Variants in CARS2 observed in about 807,000 individuals in gnomAD.
CARS2 encodes cysteinyl-tRNA synthetase 2, mitochondrial, also known as probable cysteine--tRNA ligase, mitochondrial.
Under a neutral mutation model 68.8 loss-of-function variants are expected in CARS2, and 52 were observed. The observed-to-expected ratio is 0.76, with a 90% confidence interval of 0.61 to 0.95. CARS2 has a LOEUF of 0.95. Among genes scored for constraint, CARS2 ranks in the 40% least tolerant of loss-of-function variants. CARS2 has a pLI of 0.00. For missense variants in CARS2, 780 were observed against 754.2 expected (o/e 1.03, Z -0.40); for synonymous variants, 314 against 303.6 (o/e 1.03, Z -0.36).
At chr13:110,647,802 T>C (rs988646486) in intron 10 of CARS2, among the ~76,000 whole-genome samples, 3 of 85,872 alleles carry the variant, frequency 3.5e-5, no homozygotes, top group Non-Finnish European at 6.3e-5. Context: ...TTTCTTGTGG[T>C]TTCTAGTCTA....
At chr13:110,709,182 C>T (rs752264743), upstream of CARS2, among the ~76,000 whole-genome samples, 3 of 151,594 alleles carry the variant, frequency 2.0e-5, no homozygotes, top group African/African-American at 4.8e-5. Flanking sequence ...CTCTTTCTCA[C>T]GTCTCCCGGG....
chr13:110,699,622 A>C (rs965358815), intron 3 of CARS2, among the ~76,000 whole-genome samples: 1 of 152,256 alleles, frequency 6.6e-6, no homozygotes, highest in Admixed American at 6.5e-5. Context: ...AACCACAGTG[A>C]ATTGTGAAAA....
At chr13:110,711,389 T>C (rs1285639615), upstream of CARS2, among the ~76,000 whole-genome samples, 2 of 152,144 alleles carry the variant, frequency 1.3e-5, no homozygotes, top group African/African-American at 4.8e-5. Flanking sequence ...ATTTTTTGTA[T>C]TTTTAGTAGA....
intron 5 of CARS2, among the ~76,000 whole-genome samples, chr13:110,687,077 C>T (rs536251926): frequency 4.6e-5 from 7 of 152,178 alleles, no homozygotes; most frequent in African/African-American, 1.7e-4. Flanking sequence ...TGTGTTTGTC[C>T]CCAACTTTTT....
intron 8 of CARS2, chr13:110,664,911 CCAG>C (rs1418054330): frequency 1.3e-6 from 1 of 774,148 alleles, no homozygotes; most frequent in Admixed American, 6.3e-5. Context: ...GGACTCCCAG[CCAG>C]CAGAACTGTG....
rs1272044827 is a variant in CARS2, at chr13:110,674,189, TCA to T, written c.785+2783_785+2784del. 1.8e-4 allele frequency among the ~76,000 whole-genome samples: 28 copies of T among 152,246 alleles called. No individual in the cohort carries two copies. In the South Asian group the frequency reaches 5.8e-3, roughly 32 times the overall value. On this transcript the variant is annotated intron_variant, in intron 7 of 14. Coordinates refer to ENST00000257347, the MANE Select transcript of CARS2 (RefSeq NM_024537.4). The stretch of plus-strand genomic sequence containing the variant: ...CCTATCAAGCTACCAATGACTTTTC[TCA>T]CAGAATTGGAAAAAACTACTTTAAA...
intron 11 of CARS2, 82 bp from the exon 12 acceptor site, chr13:110,646,172 A>G: frequency 2.7e-6 from 4 of 1,481,736 alleles, no homozygotes; most frequent in South Asian, 1.3e-5. Flanking sequence ...TTCCCCAGGG[A>G]GAGACGCTGG....
At chr13:110,666,908 T>C in intron 8 of CARS2, 2 of 985,442 alleles carry the variant, frequency 2.0e-6, no homozygotes, top group Non-Finnish European at 1.2e-6. Flanking sequence ...TGGTGTTGCA[T>C]CCACTTCTGA....
chr13:110,691,116 A>G (rs1372622602), intron 3 of CARS2, among the ~76,000 whole-genome samples: 1 of 152,174 alleles, frequency 6.6e-6, no homozygotes, highest in Non-Finnish European at 1.5e-5. Flanking sequence ...CCCGGGCTCA[A>G]GCGATGCTCC....
At chr13:110,656,958 G>A (rs1395078531) in intron 9 of CARS2, among the ~76,000 whole-genome samples, 1 of 151,658 alleles carries the variant, frequency 6.6e-6, no homozygotes, top group Non-Finnish European at 1.5e-5. Context: ...CCACTAAGCA[G>A]TACCATTTAA....
In CARS2 at chr13:110,665,571, C is replaced by T. The variant is rs1030233390; in HGVS notation, c.919+1769G>A. ...GGCACAGCTAAGGCTGCCCTTCTTG[C>T]CCCCCAGCTCCACACTCGCAGAAGG... On this transcript the variant is annotated intron_variant, in intron 8 of 14. Coordinates refer to ENST00000257347, the MANE Select transcript of CARS2 (RefSeq NM_024537.4). The surrounding 1 kb of genome is among the most constrained non-coding windows in gnomAD (Gnocchi z 4.3). The T allele has an allele frequency of 2.0e-6, 2 of 985,332 alleles. No homozygotes were observed. Among genetic ancestry groups the T allele is most frequent in the African/African-American group, 1.7e-5 (1 of 57,208 alleles). The allele number at this position is 985,332 out of a possible 1,614,324, so 61.0% of individuals were successfully genotyped here. A position where few individuals can be genotyped will look rare whatever the true frequency, so the allele number is the denominator to read the frequency against.
At chr13:110,646,570 A>C in intron 11 of CARS2, 1 of 163,058 alleles carries the variant, frequency 6.1e-6, no homozygotes, top group Non-Finnish European at 1.3e-5. Context: ...GCCGGGATGA[A>C]TGTGCAGCGC....
rs756239121 is a variant in CARS2, at chr13:110,676,993, C to T, written c.766G>A (p.Glu256Lys). ...CCTTACCTAGCGATGGCAGAGCACT[C>T]GATGTGCCAGCCCGGCCTCCCGGGT... ...WGPGRPGWHI[E>K]CSAIASMVFG... The change falls in exon 7 of 15, where the codon GAG becomes AAG. Residue 256 changes from glutamate to lysine, a missense_variant. By Grantham distance (56) the Glu-to-Lys change is moderately conservative. Coordinates refer to ENST00000257347, the MANE Select transcript of CARS2 (RefSeq NM_024537.4). The surrounding 1 kb of genome is among the most constrained non-coding windows in gnomAD (Gnocchi z 4.0). 6.9e-6 allele frequency: 11 copies of T among 1,592,486 alleles called. No homozygotes were observed. The highest frequency in any genetic ancestry group is 1.1e-5 in the South Asian group (1 of 89,574).
At chr13:110,710,108 C>T (rs780145591), upstream of CARS2, among the ~76,000 whole-genome samples, 1 of 152,142 alleles carries the variant, frequency 6.6e-6, no homozygotes, top group Non-Finnish European at 1.5e-5. Flanking sequence ...TGGCCAGGCG[C>T]GGTGGTTCAC....
chr13:110,664,126 G>A (rs2062583317), intron 8 of CARS2: 3 of 984,882 alleles, frequency 3.0e-6, no homozygotes, highest in Non-Finnish European at 3.6e-6. Flanking sequence ...TCCCTGGCCT[G>A]TAGCTTTTTA....
At chr13:110,642,696 G>T in intron 13 of CARS2, 175 bp from the exon 14 acceptor site, 1 of 771,600 alleles carries the variant, frequency 1.3e-6, no homozygotes. Context: ...GCGAGCGCTG[G>T]GCTCTGGGCA....
chr13:110,670,471 C>G lies in CARS2; in HGVS notation c.786-2998G>C, dbSNP rs2062771722. Among the ~76,000 whole-genome samples, 1 of 152,206 alleles carries G rather than the reference C, an allele frequency of 6.6e-6. No homozygotes were observed. Among genetic ancestry groups the G allele is most frequent in the Non-Finnish European group, 1.5e-5 (1 of 68,042 alleles). On this transcript the variant is annotated intron_variant, in intron 7 of 14. Coordinates refer to ENST00000257347, the MANE Select transcript of CARS2 (RefSeq NM_024537.4). The surrounding 1 kb of genome is among the most constrained non-coding windows in gnomAD (Gnocchi z 4.1). The stretch of plus-strand genomic sequence containing the variant: ...GTCTGGAGTGGACCTCCAGCAAACT[C>G]AACAGACCTGCAGCTGAGGGTCCTG...
intron 13 of CARS2, chr13:110,643,749 A>C (rs889627813): frequency 3.4e-5 from 5 of 145,206 alleles, no homozygotes; most frequent in African/African-American, 1.5e-4. Flanking sequence ...GGGGACTTTA[A>C]GAATAAGGCA....
chr13:110,647,158 G>T lies in CARS2; in HGVS notation c.1136C>A (p.Ala379Asp). The T allele has an allele frequency of 6.2e-7, 1 of 1,611,548 alleles. No homozygotes were observed. Reference protein sequence around the residue: ...GLGSFLEDARAYMKGQLACGS... With the variant: ...GLGSFLEDARDYMKGQLACGS... ...GCAGGCCAGCTGCCCCTTCATGTAG[G>T]CACGTGCGTCCTCCAGGAAAGAGCC... The change falls in exon 11 of 15, where the codon GCC (alanine) becomes GAC (aspartate). Residue 379 changes from alanine (A) to aspartate (D), a missense_variant. Transcript: ENST00000257347.
Sources: gnomAD v4.1 joint callset for allele counts (sites outside exome capture counted in the v4.1 genomes callset) on GRCh38, gnomAD v4.1.1 for gene constraint, Gnocchi (gnomAD v3.1) non-coding constraint, MANE v1.5 for transcripts, NCBI Gene and HGNC (gene_info 2026-07-23, HGNC 2026-07-21) for gene names.